Variants in SAMMSON observed in about 807,000 individuals in gnomAD.
SAMMSON encodes the protein long intergenic non-protein coding RNA 1212.
chr3:70,390,728 C>G (rs1015186808), downstream of SAMMSON, among the ~76,000 whole-genome samples: 3 of 152,074 alleles, frequency 2.0e-5, no homozygotes, highest in Admixed American at 2.0e-4. Flanking sequence ...TAGGATTCAA[C>G]ATGAGATTTT....
intron 7 of SAMMSON, among the ~76,000 whole-genome samples, chr3:70,307,505 C>A (rs1030351566): frequency 6.6e-6 from 1 of 150,994 alleles, no homozygotes; most frequent in East Asian, 1.9e-4. Context: ...CCTGTAATTT[C>A]CCCCCCCAAT....
chr3:70,414,073 T>C (rs1701243494), intron 2 of SAMMSON, among the ~76,000 whole-genome samples: 1 of 152,138 alleles, frequency 6.6e-6, no homozygotes, highest in Non-Finnish European at 1.5e-5. Context: ...ATACCTGTCC[T>C]ACATTTATCT....
At chr3:70,213,732 C>G (rs558958708) in intron 4 of SAMMSON, among the ~76,000 whole-genome samples, 118 of 152,210 alleles carry the variant, frequency 7.8e-4, no homozygotes, top group African/African-American at 2.7e-3. Flanking sequence ...ATTATACTCT[C>G]TGCAGCTTGG....
chr3:70,228,706 A>G (rs1187273331), intron 4 of SAMMSON, among the ~76,000 whole-genome samples: 1 of 151,682 alleles, frequency 6.6e-6, no homozygotes, highest in African/African-American at 2.4e-5. Context: ...TTGATGAAGG[A>G]AATGTATATT....
At chr3:70,080,562 T>G (rs1442353929) in intron 4 of SAMMSON, among the ~76,000 whole-genome samples, 4 of 152,162 alleles carry the variant, frequency 2.6e-5, no homozygotes, top group African/African-American at 9.7e-5. Flanking sequence ...GCTCTGTTTC[T>G]ATTGGCTTAT....
At chr3:70,302,247 CTTTT>C (rs1381732688) in intron 7 of SAMMSON, among the ~76,000 whole-genome samples, 2 of 152,010 alleles carry the variant, frequency 1.3e-5, no homozygotes, top group Non-Finnish European at 2.9e-5. Flanking sequence ...GTTCACATTC[CTTTT>C]TTTATCTTTT....
chr3:70,021,256 C>G (rs2067012285), intron 3 of SAMMSON, among the ~76,000 whole-genome samples: 1 of 152,166 alleles, frequency 6.6e-6, no homozygotes. Context: ...AATGAGTTCT[C>G]ATTTTCAGTT....
At chr3:70,290,803 G>T (rs1280592462) in intron 6 of SAMMSON, among the ~76,000 whole-genome samples, 1 of 152,154 alleles carries the variant, frequency 6.6e-6, no homozygotes, top group East Asian at 1.9e-4. Flanking sequence ...GCAGTATTCG[G>T]GTGGGAGTGA....
intron 4 of SAMMSON, among the ~76,000 whole-genome samples, chr3:70,165,556 A>G (rs562753512): frequency 6.6e-6 from 1 of 152,016 alleles, no homozygotes; most frequent in South Asian, 2.1e-4. Flanking sequence ...ATAAGAAGCA[A>G]ATTTCTGTTG....
chr3:70,144,536 TC>T (rs2067540340), intron 4 of SAMMSON, among the ~76,000 whole-genome samples: 1 of 152,176 alleles, frequency 6.6e-6, no homozygotes, highest in Non-Finnish European at 1.5e-5. Context: ...CTGAACTTTA[TC>T]TAAAATGTCC....
At chr3:70,266,644 C>T (rs1011978038) in intron 6 of SAMMSON, among the ~76,000 whole-genome samples, 3 of 152,042 alleles carry the variant, frequency 2.0e-5, no homozygotes, top group South Asian at 2.1e-4. Context: ...CAGGATCTCC[C>T]TATGTTGCCC....
At chr3:70,167,149 A>G (rs2067640483) in intron 4 of SAMMSON, among the ~76,000 whole-genome samples, 1 of 152,046 alleles carries the variant, frequency 6.6e-6, no homozygotes, top group Non-Finnish European at 1.5e-5. Context: ...TTTAAAATCC[A>G]ATGTGTACTG....
chr3:70,131,194 A>G (rs2067480954), intron 4 of SAMMSON, among the ~76,000 whole-genome samples: 1 of 152,206 alleles, frequency 6.6e-6, no homozygotes, highest in Admixed American at 6.5e-5. Flanking sequence ...TGAGTGGCTC[A>G]GCGATATCAT....
intron 7 of SAMMSON, among the ~76,000 whole-genome samples, chr3:70,295,704 A>G (rs1404013021): frequency 6.6e-6 from 1 of 152,004 alleles, no homozygotes; most frequent in African/African-American, 2.4e-5. Context: ...AAATAAATAA[A>G]CAAATAAATA....
chr3:70,037,458 G>T (rs2067090165), intron 3 of SAMMSON, among the ~76,000 whole-genome samples: 1 of 152,128 alleles, frequency 6.6e-6, no homozygotes, highest in African/African-American at 2.4e-5. Flanking sequence ...TATCTCCAGT[G>T]CTTATCTACA....
At chr3:70,309,544 G>T (rs753783824) in intron 7 of SAMMSON, among the ~76,000 whole-genome samples, 20 of 152,092 alleles carry the variant, frequency 1.3e-4, no homozygotes, top group South Asian at 2.1e-4. Context: ...AAGTAACATG[G>T]CACAATCACC....
At chr3:70,130,057 T>A (rs2067475903) in intron 4 of SAMMSON, among the ~76,000 whole-genome samples, 1 of 152,208 alleles carries the variant, frequency 6.6e-6, no homozygotes. Flanking sequence ...GTTTGAATTT[T>A]AGAACTGTGG....
intron 4 of SAMMSON, chr3:70,126,028 G>A (rs1309113236): frequency 4.3e-6 from 4 of 932,996 alleles, no homozygotes; most frequent in Non-Finnish European, 6.7e-6. Flanking sequence ...TCTAAAAGCT[G>A]TGGGCAAATT....
chr3:70,432,200 A>AT (rs566186443), intron 2 of SAMMSON, among the ~76,000 whole-genome samples: 2 of 151,328 alleles, frequency 1.3e-5, no homozygotes, highest in Admixed American at 6.6e-5. Context: ...ATTCTCAACA[A>AT]TTTTTTTTTA....
Sources: allele counts gnomAD v4.1 joint callset (sites outside exome capture counted in the v4.1 genomes callset), GRCh38; gene constraint gnomAD v4.1.1; transcripts MANE v1.5; gene names NCBI Gene and HGNC (gene_info 2026-07-23, HGNC 2026-07-21).